TANC2: variants seen among roughly 807,000 people sequenced by gnomAD.
The protein encoded by TANC2 is protein TANC2.
In TANC2, 26 loss-of-function variants were observed where a neutral mutation model predicts 210.5. The observed-to-expected ratio is 0.12, with a 90% CI of 0.09 to 0.17. The LOEUF is 0.17. Among genes scored for constraint, TANC2 ranks in the 10% least tolerant of loss-of-function variants. The pLI is 1.00. For missense variants in TANC2, 2,129 were observed against 2,608.9 expected (o/e 0.82, Z 4.01); for synonymous variants, 931 against 967.1 (o/e 0.96, Z 0.69).
chr17:63,322,785 T>C (rs1037461603), intron 11 of TANC2, among the ~76,000 whole-genome samples: 5 of 152,230 alleles, frequency 3.3e-5, no homozygotes, highest in Admixed American at 1.3e-4. Flanking sequence ...TTACATCTTA[T>C]TCTTTCTCTC....
intron 2 of TANC2, among the ~76,000 whole-genome samples, chr17:63,021,067 G>A: frequency 6.6e-6 from 1 of 152,008 alleles, no homozygotes; most frequent in Admixed American, 6.5e-5. Context: ...CCAACATTGG[G>A]GGTCACATTT....
intron 4 of TANC2, among the ~76,000 whole-genome samples, chr17:63,111,737 AT>A (rs1231292051): frequency 6.6e-6 from 1 of 151,454 alleles, no homozygotes; most frequent in East Asian, 1.9e-4. Context: ...TTATTTATTT[AT>A]TTTTTTGAGA....
intron 9 of TANC2, among the ~76,000 whole-genome samples, chr17:63,305,857 G>T (rs566235516): frequency 6.8e-4 from 103 of 152,344 alleles, no homozygotes; most frequent in African/African-American, 2.3e-3. Context: ...ACAGGAACTG[G>T]ATTGGAGCAG....
intron 2 of TANC2, among the ~76,000 whole-genome samples, chr17:63,028,978 C>CA (rs980513174): frequency 6.6e-6 from 1 of 151,782 alleles, no homozygotes; most frequent in Admixed American, 6.6e-5. Context: ...TTTATTTATA[C>CA]AAAAAATGGT....
At chr17:63,415,401 C>A in intron 25 of TANC2, 127 bp from the exon 26 acceptor site, 3 of 1,261,346 alleles carry the variant, frequency 2.4e-6, no homozygotes, top group East Asian at 2.5e-5. Context: ...GAACTCCTCT[C>A]TAGGCTGGCG....
intron 4 of TANC2, among the ~76,000 whole-genome samples, chr17:63,107,726 T>C (rs1472428707): frequency 6.6e-6 from 1 of 151,718 alleles, no homozygotes; most frequent in African/African-American, 2.4e-5. Flanking sequence ...GAACATATGT[T>C]ATACAATTGC....
chr17:63,397,998 A>G (rs975639414), intron 18 of TANC2, among the ~76,000 whole-genome samples: 32 of 152,342 alleles, frequency 2.1e-4, no homozygotes, highest in Admixed American at 1.6e-3. Context: ...ATTAAATTTT[A>G]TCATCTGTGG....
intron 1 of TANC2, among the ~76,000 whole-genome samples, chr17:62,992,557 G>A (rs1598205632): frequency 6.6e-6 from 1 of 152,118 alleles, no homozygotes; most frequent in East Asian, 1.9e-4. Context: ...AGTCATTTCA[G>A]TGCCAAATAA....
At chr17:63,302,430 T>C (rs1010669152) in intron 9 of TANC2, among the ~76,000 whole-genome samples, 8 of 152,062 alleles carry the variant, frequency 5.3e-5, no homozygotes, top group African/African-American at 1.9e-4. Context: ...TGTAGGCCTC[T>C]AAGAATTTGT....
At chr17:63,332,043 A>G (rs2045873553) in intron 11 of TANC2, 1 of 280,890 alleles carries the variant, frequency 3.6e-6, no homozygotes, top group Non-Finnish European at 7.1e-6. Context: ...TTTCTGAATG[A>G]TATCAATTAT....
intron 4 of TANC2, among the ~76,000 whole-genome samples, chr17:63,111,014 A>ATT (rs2038020099): frequency 6.6e-6 from 1 of 152,100 alleles, no homozygotes; most frequent in Non-Finnish European, 1.5e-5. Context: ...TATTGTATGG[A>ATT]TTAAGTAAGA....
intron 8 of TANC2, among the ~76,000 whole-genome samples, chr17:63,247,766 A>C (rs765810074): frequency 2.2e-4 from 34 of 152,126 alleles, no homozygotes; most frequent in Admixed American, 6.5e-5. Context: ...GGAGTAGTAC[A>C]TATTGACTGT....
At chr17:63,022,525 C>G (rs937244677) in intron 2 of TANC2, among the ~76,000 whole-genome samples, 2 of 152,040 alleles carry the variant, frequency 1.3e-5, no homozygotes, top group Non-Finnish European at 2.9e-5. Context: ...AAATTCCCAG[C>G]CTGGCCATGT....
chr17:63,163,632 T>C (rs2040105009), intron 5 of TANC2, among the ~76,000 whole-genome samples: 1 of 151,842 alleles, frequency 6.6e-6, no homozygotes, highest in East Asian at 1.9e-4. Context: ...AAAGGAAATA[T>C]TTAATATTTG....
intron 11 of TANC2, chr17:63,331,880 G>C (rs899522099): frequency 4.7e-6 from 1 of 212,510 alleles, no homozygotes; most frequent in Non-Finnish European, 9.1e-6. Context: ...GTGTGTGTGT[G>C]TGTGTGTGTG....
chr17:63,383,331 T>C (rs1351133622), intron 15 of TANC2, among the ~76,000 whole-genome samples: 1 of 152,206 alleles, frequency 6.6e-6, no homozygotes, highest in Admixed American at 6.5e-5. Flanking sequence ...TTCATTGCAC[T>C]AAAATTCCTT....
intron 1 of TANC2, chr17:63,004,695 A>G (rs1278102846): frequency 2.2e-5 from 7 of 316,680 alleles, no homozygotes; most frequent in Admixed American, 2.0e-4. Context: ...ACAGTTGTCA[A>G]AAATGCACAC....
chr17:63,020,352 G>A (rs2034295869), intron 2 of TANC2, among the ~76,000 whole-genome samples: 1 of 151,802 alleles, frequency 6.6e-6, no homozygotes, highest in African/African-American at 2.4e-5. Context: ...TGCCCAGTCT[G>A]GAGTTCAGTG....
At chr17:63,120,556 G>A (rs974458864) in intron 4 of TANC2, 3 of 152,042 alleles carry the variant, frequency 2.0e-5, no homozygotes, top group Non-Finnish European at 2.9e-5. Context: ...ACTCATGCTT[G>A]TAATCCCACC....
Sources: allele counts gnomAD v4.1 joint callset (sites outside exome capture counted in the v4.1 genomes callset), GRCh38; gene constraint gnomAD v4.1.1; transcripts MANE v1.5; gene names NCBI Gene and HGNC (gene_info 2026-07-23, HGNC 2026-07-21).